The following NCAM1 variants were observed in gnomAD, a reference collection of about 807,000 sequenced individuals.
The protein encoded by NCAM1 is antigen recognized by monoclonal antibody 5.1H11.
A neutral mutation model predicts 109.8 loss-of-function variants in NCAM1; 14 were observed. The ratio of observed to expected loss-of-function variants is 0.13; its 90% CI spans 0.08 to 0.20. The LOEUF (loss-of-function observed/expected upper bound fraction) is 0.20, where lower values mean the gene tolerates loss of function less well. NCAM1 is among the 10% of genes least tolerant of loss of function. The probability of loss-of-function intolerance (pLI) is 1.00; values close to 1 mark genes in which losing one functional copy is unlikely to be tolerated. For missense variants in NCAM1, 774 were observed against 1,109.9 expected, an observed-to-expected ratio of 0.70 and a Z score of 4.30; for synonymous variants, 418 against 442.9, an observed-to-expected ratio of 0.94 and a Z score of 0.70.
intron 1 of NCAM1, among the ~76,000 whole-genome samples, chr11:112,966,480 G>T (rs1162071981): frequency 1.3e-5 from 2 of 152,180 alleles, no homozygotes; most frequent in Admixed American, 1.3e-4. Flanking sequence ...ACATTGTAGT[G>T]AAACTATTTT....
chr11:113,142,121 T>C (rs1941852260), intron 1 of NCAM1, among the ~76,000 whole-genome samples: 1 of 152,156 alleles, frequency 6.6e-6, no homozygotes, highest in South Asian at 2.1e-4. Flanking sequence ...ATTGGGTGCC[T>C]CCCCAGTAAC....
At chr11:113,248,635 A>AC (rs1410525763) in intron 15 of NCAM1, among the ~76,000 whole-genome samples, 1 of 151,926 alleles carries the variant, frequency 6.6e-6, no homozygotes, top group Non-Finnish European at 1.5e-5. Flanking sequence ...TCCACCTTGT[A>AC]CCCCCTCAAA....
intron 8 of NCAM1, among the ~76,000 whole-genome samples, chr11:113,217,530 T>C (rs1174820218): frequency 6.6e-6 from 1 of 152,128 alleles, no homozygotes; most frequent in Admixed American, 6.5e-5. Context: ...TCAGTGTAAT[T>C]AATGCAGACT....
chr11:113,041,392 A>G (rs529439152), intron 1 of NCAM1, among the ~76,000 whole-genome samples: 166 of 152,288 alleles, frequency 1.1e-3, no homozygotes, highest in African/African-American at 3.8e-3. Flanking sequence ...CTGTGAAGCC[A>G]GGAGAGTAAC....
Position 113,252,799 on chromosome 11 carries a change from C to CTTTTTTTTT in NCAM1, c.1829-3055_1829-3047dup, listed in dbSNP as rs33948720. 8.8e-4 allele frequency among the ~76,000 whole-genome samples: 35 copies of CTTTTTTTTT among 39,718 alleles called. 5 individuals are homozygous for CTTTTTTTTT. Among genetic ancestry groups the CTTTTTTTTT allele is most frequent in the Non-Finnish European group, 1.3e-3 (31 of 23,110 alleles). The allele number at this position is 39,718 out of a possible 152,430, so 26.1% of individuals were successfully genotyped here. ...TACAGGCACATGCCACTATGCCCAG[C>CTTTTTTTTT]TTTTTTTTTTTTTTTTTTTTTTTTT... is the stretch of plus-strand genomic sequence containing the variant. On this transcript the variant is annotated intron_variant, in intron 15 of 19. Coordinates refer to ENST00000316851, the MANE Select transcript of NCAM1 (RefSeq NM_181351.5).
intron 1 of NCAM1, among the ~76,000 whole-genome samples, chr11:113,053,815 C>T (rs1287600375): frequency 6.6e-6 from 1 of 152,196 alleles, no homozygotes; most frequent in Non-Finnish European, 1.5e-5. Flanking sequence ...GAAAAATTCC[C>T]CTCAGTCCCT....
intron 1 of NCAM1, among the ~76,000 whole-genome samples, chr11:113,171,962 C>G (rs1046246057): frequency 1.3e-5 from 2 of 152,154 alleles, no homozygotes; most frequent in African/African-American, 4.8e-5. Context: ...GACAGACACA[C>G]TTGGAGATCA....
intron 1 of NCAM1, among the ~76,000 whole-genome samples, chr11:113,093,766 G>A (rs927128124): frequency 2.6e-5 from 4 of 152,224 alleles, no homozygotes; most frequent in Non-Finnish European, 5.9e-5. Context: ...TTAAAAGCAA[G>A]TAAGCAGATG....
At chr11:113,046,820 G>C (rs1273115836) in intron 1 of NCAM1, among the ~76,000 whole-genome samples, 1 of 149,228 alleles carries the variant, frequency 6.7e-6, no homozygotes, top group Non-Finnish European at 1.5e-5. Flanking sequence ...GAGAGAGAAA[G>C]AAAAAGAAAG....
chr11:113,193,102 G>A (rs116117171), intron 1 of NCAM1, among the ~76,000 whole-genome samples: 2,206 of 152,278 alleles, frequency 0.014, 60 homozygotes, highest in African/African-American at 0.049. Context: ...CCCTTTTGGA[G>A]CTCTATGGAG....
At chr11:113,060,533 T>C (rs1489860356) in intron 1 of NCAM1, among the ~76,000 whole-genome samples, 1 of 152,180 alleles carries the variant, frequency 6.6e-6, no homozygotes, top group Non-Finnish European at 1.5e-5. Context: ...TTGAAGTTGG[T>C]TTAGAAAGAT....
At chr11:113,245,714 C>A (rs560971808) in intron 14 of NCAM1, among the ~76,000 whole-genome samples, 32 of 152,266 alleles carry the variant, frequency 2.1e-4, no homozygotes, top group African/African-American at 6.3e-4. Context: ...ATGCATCCAC[C>A]CAGCCTCATT....
chr11:113,081,549 T>C (rs1459817153), intron 1 of NCAM1, among the ~76,000 whole-genome samples: 1 of 138,474 alleles, frequency 7.2e-6, no homozygotes, highest in Non-Finnish European at 1.6e-5. Context: ...TTTCTTTTTT[T>C]CTTTTTTTTT....
intron 1 of NCAM1, among the ~76,000 whole-genome samples, chr11:113,124,661 T>C (rs1431820235): frequency 6.6e-6 from 1 of 152,250 alleles, no homozygotes; most frequent in African/African-American, 2.4e-5. Context: ...GGAAGGGCTT[T>C]CCTTGGATTA....
intron 1 of NCAM1, among the ~76,000 whole-genome samples, chr11:113,028,951 A>C (rs547598335): frequency 1.3e-5 from 2 of 152,338 alleles, no homozygotes; most frequent in South Asian, 2.1e-4. Flanking sequence ...TTCAGAGTTA[A>C]GAGGTCATCT....
chr11:113,216,187 C>A (rs1944524329), intron 8 of NCAM1, among the ~76,000 whole-genome samples: 1 of 127,980 alleles, frequency 7.8e-6, no homozygotes, highest in South Asian at 2.5e-4. Flanking sequence ...GTCTCGCTGT[C>A]GCCCAGGCTG....
intron 1 of NCAM1, among the ~76,000 whole-genome samples, chr11:112,996,393 T>C (rs982823765): frequency 6.6e-6 from 1 of 152,186 alleles, no homozygotes; most frequent in African/African-American, 2.4e-5. Flanking sequence ...ATCTTAATCA[T>C]CTTGCAAAAT....
intron 1 of NCAM1, among the ~76,000 whole-genome samples, chr11:113,158,863 GACAA>G (rs1173827000): frequency 2.6e-5 from 4 of 152,142 alleles, no homozygotes; most frequent in African/African-American, 9.7e-5. Flanking sequence ...GAATTATTAA[GACAA>G]ACAACATCAC....
At chr11:112,974,786 C>A (rs1950964915) in intron 1 of NCAM1, among the ~76,000 whole-genome samples, 2 of 151,358 alleles carry the variant, frequency 1.3e-5, no homozygotes, top group Non-Finnish European at 2.9e-5. Context: ...AGACATATGG[C>A]TGCCACCCTC....
Sources: allele counts gnomAD v4.1 joint callset (sites outside exome capture counted in the v4.1 genomes callset), GRCh38; gene constraint gnomAD v4.1.1; transcripts MANE v1.5; gene names NCBI Gene and HGNC (gene_info 2026-07-23, HGNC 2026-07-21).